Variants in FAM120C observed in about 807,000 individuals in gnomAD.
FAM120C encodes the protein family with sequence similarity 120 member C.
A neutral mutation model predicts 71.2 loss-of-function variants in FAM120C; 14 were observed. The ratio of observed to expected loss-of-function variants is 0.20; its 90% CI spans 0.13 to 0.31. The LOEUF is 0.31. Among genes scored for constraint, FAM120C ranks in the 10% least tolerant of loss-of-function variants. The pLI is 1.00. For missense variants in FAM120C, 500 were observed against 879.0 expected, an observed-to-expected ratio of 0.57 and a Z score of 5.45; for synonymous variants, 354 against 353.2, an observed-to-expected ratio of 1.00 and a Z score of -0.03.
chrX:54,182,996 G>A lies in FAM120C; in HGVS notation c.203C>T (p.Pro68Leu). ...RGSVPLQPPL[P>L]PAALGAYSGG... ...GGAGTAGGCACCCAAGGCAGCGGGC[G>A]GAAGCGGCGGTTGCAGAGGCACGGA... The change falls in exon 1 of 16, where the codon CCG becomes CTG. Residue 68 changes from proline to leucine, a missense_variant. Physicochemically the swap from Pro to Leu is moderately conservative, Grantham distance 98. Coordinates refer to ENST00000375180, the MANE Select transcript of FAM120C (RefSeq NM_017848.6). 8.6e-7 allele frequency: 1 copy of A among 1,159,389 alleles called. No individual in the cohort carries two copies. Among genetic ancestry groups the A allele is most frequent in the South Asian group, 1.9e-5 (1 of 52,255 alleles).
chrX:54,169,724 C>T (rs1345524435), intron 1 of FAM120C, among the ~76,000 whole-genome samples: 7 of 111,670 alleles, frequency 6.3e-5, no homozygotes, highest in Non-Finnish European at 9.4e-5. Flanking sequence ...GATTCGAGGG[C>T]GGGATGGATT....
intron 6 of FAM120C, among the ~76,000 whole-genome samples, 183 bp from the exon 7 acceptor site, chrX:54,135,294 T>C (rs1346781850): frequency 8.9e-6 from 1 of 111,964 alleles, no homozygotes; most frequent in African/African-American, 3.2e-5. Context: ...CAATGAACAG[T>C]TGAAGTCTCC....
intron 12 of FAM120C, among the ~76,000 whole-genome samples, chrX:54,086,584 T>C (rs2066795229): frequency 9.1e-6 from 1 of 109,483 alleles, no homozygotes; most frequent in Non-Finnish European, 1.9e-5. Context: ...TGAAACCCCA[T>C]CTTTACTAAA....
chrX:54,158,318 G>T (rs1212145815), intron 2 of FAM120C, among the ~76,000 whole-genome samples: 2 of 112,232 alleles, frequency 1.8e-5, no homozygotes, highest in African/African-American at 3.2e-5. Context: ...TCCAAAACTT[G>T]TGCTGACTCC....
chrX:54,074,027 T>G (rs1200223643), intron 15 of FAM120C, among the ~76,000 whole-genome samples: 5 of 110,730 alleles, frequency 4.5e-5, no homozygotes, highest in African/African-American at 1.6e-4. Flanking sequence ...GGTTTCACCA[T>G]GTTGGCCACA....
intron 10 of FAM120C, among the ~76,000 whole-genome samples, chrX:54,100,335 CA>C (rs2066875788): frequency 9.0e-6 from 1 of 110,759 alleles, no homozygotes; most frequent in East Asian, 2.8e-4. Context: ...ACTAAAAATA[CA>C]AAAAAAATTA....
Position 54,079,441 on chromosome X carries a change from CGAGA to C in FAM120C, c.3036+787_3036+790del, listed in dbSNP as rs201642298. Among the ~76,000 whole-genome samples the C allele has an allele frequency of 4.1e-4, 41 of 100,332 alleles. 1 individual carries two copies. The highest frequency in any genetic ancestry group is 7.7e-4 in the Admixed American group (7 of 9,060). 87.1% of individuals were successfully genotyped at this position (100,332 alleles called of 115,157 possible). A position where few individuals can be genotyped will look rare whatever the true frequency, so the allele number is the denominator to read the frequency against. ...CCTGAGTGACAGAGTGAGACCCTGT[CGAGA>C]GAGAGAGAGAGAGAGAGAGAAAGAA... On this transcript the variant is annotated intron_variant, in intron 15 of 15. Coordinates refer to ENST00000375180, the MANE Select transcript of FAM120C (RefSeq NM_017848.6).
At chrX:54,081,293 A>AG in intron 14 of FAM120C, 29 bp downstream of exon 14, 1 of 1,186,643 alleles carries the variant, frequency 8.4e-7, no homozygotes, top group Non-Finnish European at 1.1e-6. Context: ...CAAGGGGACT[A>AG]GCTCATATCA....
At chrX:54,100,129 T>C (rs923561251) in intron 10 of FAM120C, among the ~76,000 whole-genome samples, 3 of 110,603 alleles carry the variant, frequency 2.7e-5, no homozygotes, top group Middle Eastern at 4.3e-3. Flanking sequence ...GAGGATCGCT[T>C]GAGTCCAGGA....
In FAM120C at chrX:54,085,879, C is replaced by G; in HGVS notation, c.2675G>C (p.Ser892Thr). ...LATKVEKMRQ[S>T]ILEGVNMNHP... The stretch of plus-strand genomic sequence containing the variant: ...ATTCATGTTGACTCCTTCAAGGATG[C>G]TCTGTCTCATCTTTTCCACTTTGGT... Residue 892 changes from serine (S) to threonine (T), a missense_variant, in exon 13 of 16, where the codon AGC becomes ACC. By Grantham distance (58) the Ser-to-Thr change is moderately conservative. This residue lies in a region of FAM120C where 104 missense variants were observed against 254.5 expected (regional missense o/e 0.41). Transcript: ENST00000375180. The G allele has an allele frequency of 8.3e-7, 1 of 1,211,748 alleles. No individual in the cohort carries two copies. The highest frequency in any genetic ancestry group is 1.1e-6 in the Non-Finnish European group (1 of 895,487).
chrX:54,117,998 C>A (rs1051459342), intron 9 of FAM120C, among the ~76,000 whole-genome samples: 7 of 110,739 alleles, frequency 6.3e-5, no homozygotes, highest in African/African-American at 2.3e-4. Flanking sequence ...CCGAGGCGGG[C>A]GGATCACCTG....
intron 4 of FAM120C, among the ~76,000 whole-genome samples, chrX:54,139,254 TGAGTA>T (rs1442612596): frequency 1.8e-5 from 2 of 111,590 alleles, no homozygotes; most frequent in African/African-American, 6.5e-5. Context: ...GCCCTAGTGT[TGAGTA>T]TTCTCTACAA....
intron 9 of FAM120C, among the ~76,000 whole-genome samples, chrX:54,118,205 A>G (rs1214971007): frequency 9.2e-6 from 1 of 109,244 alleles, no homozygotes; most frequent in African/African-American, 3.3e-5. Flanking sequence ...CCTGGGCAAC[A>G]AGAGTGAAAC....
At chrX:54,136,170 T>C (rs782686922) in intron 5 of FAM120C, among the ~76,000 whole-genome samples, 1 of 111,402 alleles carries the variant, frequency 9.0e-6, no homozygotes, top group South Asian at 3.8e-4. Flanking sequence ...AGCTAATTTT[T>C]TGTATTTTTC....
At chrX:54,107,386 C>T (rs1346080754) in intron 10 of FAM120C, among the ~76,000 whole-genome samples, 4 of 109,838 alleles carry the variant, frequency 3.6e-5, no homozygotes, top group South Asian at 7.9e-4. Context: ...CATGAGGCAC[C>T]GCACCAGCCT....
At chrX:54,080,563 A>G (rs1298070136) in intron 14 of FAM120C, among the ~76,000 whole-genome samples, 2 of 112,089 alleles carry the variant, frequency 1.8e-5, no homozygotes, top group African/African-American at 6.5e-5. Context: ...ACTGACTTTA[A>G]AAAATGGAAA....
At chrX:54,153,706 T>C (rs2067194996) in intron 3 of FAM120C, among the ~76,000 whole-genome samples, 2 of 110,011 alleles carry the variant, frequency 1.8e-5, no homozygotes, top group East Asian at 5.7e-4. Context: ...TAGCTGGGAT[T>C]ATAGGTGAGC....
At chrX:54,152,993 C>T (rs7879139) in intron 3 of FAM120C, among the ~76,000 whole-genome samples, 2 of 111,701 alleles carry the variant, frequency 1.8e-5, no homozygotes, top group Admixed American at 9.6e-5. Context: ...GTCAGGAGTT[C>T]GAGACCAGCC....
chrX:54,163,910 A>G (rs12690174), intron 1 of FAM120C, among the ~76,000 whole-genome samples: 6 of 96,288 alleles, frequency 6.2e-5, no homozygotes, highest in Admixed American at 1.1e-4. Context: ...GTGTGTGTGT[A>G]TGTGTGTATA....
Sources: gnomAD v4.1 joint callset for allele counts (sites outside exome capture counted in the v4.1 genomes callset) on GRCh38, gnomAD v4.1.1 for gene constraint, gnomAD v4.1.1 regional missense constraint, MANE v1.5 for transcripts, NCBI Gene and HGNC (gene_info 2026-07-23, HGNC 2026-07-21) for gene names.